Variants in MLXIP observed in about 807,000 individuals in gnomAD.
MLXIP encodes MLX interacting protein.
A neutral mutation model predicts 87.2 loss-of-function variants in MLXIP; 30 were observed. That is an observed-to-expected ratio of 0.34 (90% confidence interval 0.26 to 0.47). The LOEUF (loss-of-function observed/expected upper bound fraction) is 0.47. Among genes scored for constraint, MLXIP ranks in the 20% least tolerant of loss-of-function variants. The pLI is 1.00. For synonymous variants in MLXIP, 530 were observed against 514.0 expected, an observed-to-expected ratio of 1.03 and a Z score of -0.42; for missense variants, 1,002 against 1,240.1, an observed-to-expected ratio of 0.81 and a Z score of 2.88.
At chr12:122,093,095 TGTGGTGTGTGTG>T (rs1232065743) in intron 1 of MLXIP, among the ~76,000 whole-genome samples, 72,601 of 149,096 alleles carry the variant, frequency 0.49, 17,699 homozygotes, top group Admixed American at 0.56. Flanking sequence ...TGTGTTGGTG[TGTGGTGTGTGTG>T]TTGGTGTGTG....
intron 1 of MLXIP, among the ~76,000 whole-genome samples, chr12:122,092,978 G>GT (rs1446888106): frequency 6.7e-6 from 1 of 149,136 alleles, no homozygotes; most frequent in Non-Finnish European, 1.5e-5. Flanking sequence ...GTGTGGGTAT[G>GT]TATGTGTTGT....
chr12:122,103,964 C>T (rs941779565), intron 1 of MLXIP, among the ~76,000 whole-genome samples: 18 of 151,912 alleles, frequency 1.2e-4, no homozygotes, highest in African/African-American at 4.4e-4. Context: ...TGTAAGCTAC[C>T]GTGCCTGGCC....
chr12:122,141,704 G>T lies in MLXIP; in HGVS notation c.2652G>T (p.Thr884=). 1 of 1,613,816 alleles carries T rather than the reference G, an allele frequency of 6.2e-7. No homozygotes were observed. Residue 884 remains threonine (T), a synonymous_variant, in exon 17 of 17, where the codon ACG becomes ACT. Coordinates refer to ENST00000319080, the MANE Select transcript of MLXIP (RefSeq NM_014938.6). ...LPILRPMVLS[T]LRQLSTSTSI... ...TCTGTCTTGCAGTGGTATTGAGCACGCTGCGGCAGCTGAGCACCTCCACCT... is the reference window on the plus strand; with the variant it reads ...TCTGTCTTGCAGTGGTATTGAGCACTCTGCGGCAGCTGAGCACCTCCACCT...
intron 1 of MLXIP, among the ~76,000 whole-genome samples, chr12:122,098,512 G>A (rs1188381773): frequency 1.3e-5 from 2 of 152,188 alleles, no homozygotes; most frequent in Non-Finnish European, 2.9e-5. Flanking sequence ...AGCTTGAGCT[G>A]CCCAGTAGGC....
intron 1 of MLXIP, among the ~76,000 whole-genome samples, chr12:122,108,354 C>T (rs754406695): frequency 2.4e-5 from 3 of 124,382 alleles, no homozygotes; most frequent in African/African-American, 9.6e-5. Context: ...GGCGACAGAG[C>T]GAGACTCCAT....
chr12:122,109,751 G>A (rs1385721483), intron 1 of MLXIP, among the ~76,000 whole-genome samples: 1 of 152,220 alleles, frequency 6.6e-6, no homozygotes, highest in African/African-American at 2.4e-5. Flanking sequence ...CATGGGAAGA[G>A]GATGCAAAGG....
At chr12:122,100,168 T>G (rs1370875019) in intron 1 of MLXIP, among the ~76,000 whole-genome samples, 1 of 152,154 alleles carries the variant, frequency 6.6e-6, no homozygotes, top group East Asian at 1.9e-4. Context: ...ACAGGGTTAG[T>G]TATTCAGACT....
chr12:122,097,411 A>G (rs1004973118), intron 1 of MLXIP, among the ~76,000 whole-genome samples: 15 of 152,214 alleles, frequency 9.9e-5, no homozygotes, highest in Admixed American at 3.9e-4. Flanking sequence ...ACTTGAACCC[A>G]GGAGTTCCAT....
rs1216641113 is a variant in MLXIP, at chr12:122,141,073, C to A, written c.2628C>A (p.Ile876=). 8.7e-6 allele frequency: 14 copies of A among 1,610,650 alleles called. No homozygotes were observed. The highest frequency in any genetic ancestry group is 1.1e-5 in the Non-Finnish European group (13 of 1,179,190). ...TGGACCAGCACTGCTCCCTGCCCATCCTCAGGCCGAGTGAGTGGGGCAGTG... is the reference window on the plus strand; with the variant it reads ...TGGACCAGCACTGCTCCCTGCCCATACTCAGGCCGAGTGAGTGGGGCAGTG... ...SWLDQHCSLP[I]LRPMVLSTLR... is the part of the protein sequence containing the mutation. The change falls in exon 16 of 17, where the codon ATC becomes ATA. Residue 876 remains isoleucine, a synonymous_variant. Transcript: ENST00000319080.
intron 5 of MLXIP, 140 bp downstream of exon 5, chr12:122,129,769 C>T: frequency 7.6e-7 from 1 of 1,321,958 alleles, no homozygotes; most frequent in Non-Finnish European, 1.1e-6. Flanking sequence ...AGAAGCAGTC[C>T]AGCTCTCTCT....
At chr12:122,122,504 C>T (rs1368879678) in intron 1 of MLXIP, among the ~76,000 whole-genome samples, 1 of 151,872 alleles carries the variant, frequency 6.6e-6, no homozygotes. Context: ...GCCAGGACCA[C>T]AGGCACAGGC....
At chr12:122,095,874 AT>A (rs1246054568) in intron 1 of MLXIP, among the ~76,000 whole-genome samples, 6 of 149,278 alleles carry the variant, frequency 4.0e-5, no homozygotes, top group South Asian at 4.2e-4. Flanking sequence ...TTTTATTATT[AT>A]TTTTTTTTGA....
intron 1 of MLXIP, among the ~76,000 whole-genome samples, chr12:122,080,923 A>G (rs1454529213): frequency 1.3e-4 from 20 of 152,124 alleles, no homozygotes; most frequent in Admixed American, 1.2e-3. Context: ...ATAAACTTCT[A>G]CATATACAGG....
intron 7 of MLXIP, among the ~76,000 whole-genome samples, chr12:122,131,394 C>T (rs114359351): frequency 0.011 from 1,738 of 151,566 alleles, 36 homozygotes; most frequent in African/African-American, 0.04. Flanking sequence ...ATGGCATCCC[C>T]CTGGGCCATG....
chr12:122,129,513 G>T (rs7487608), intron 4 of MLXIP, 75 bp from the exon 5 acceptor site: 690,578 of 1,548,030 alleles, frequency 0.45, 156,035 homozygotes, highest in Middle Eastern at 0.58. Context: ...CTCCCTGAGA[G>T]TTCTGTATAT....
At chr12:122,107,301 G>A (rs1378947662) in intron 1 of MLXIP, among the ~76,000 whole-genome samples, 1 of 152,028 alleles carries the variant, frequency 6.6e-6, no homozygotes, top group African/African-American at 2.4e-5. Flanking sequence ...CTGTGCTGTC[G>A]CTCTTGGTGG....
At chr12:122,080,405 CTTT>C (rs1952074234) in intron 1 of MLXIP, among the ~76,000 whole-genome samples, 1 of 152,138 alleles carries the variant, frequency 6.6e-6, no homozygotes, top group Admixed American at 6.6e-5. Flanking sequence ...CTCACCTCAC[CTTT>C]TTAAGAGAGC....
intron 1 of MLXIP, among the ~76,000 whole-genome samples, chr12:122,112,858 T>C (rs982708737): frequency 6.6e-6 from 1 of 152,158 alleles, no homozygotes; most frequent in African/African-American, 2.4e-5. Flanking sequence ...GTTGGCTTTA[T>C]TGAATTGAAT....
chr12:122,127,676 C>CCTCT (rs1157927738), intron 2 of MLXIP, among the ~76,000 whole-genome samples: 1 of 152,202 alleles, frequency 6.6e-6, no homozygotes, highest in Non-Finnish European at 1.5e-5. Context: ...AGCCACACTG[C>CCTCT]CTCTCTGACT....
Sources: gnomAD v4.1 joint callset for allele counts (sites outside exome capture counted in the v4.1 genomes callset) on GRCh38, gnomAD v4.1.1 for gene constraint, MANE v1.5 for transcripts, NCBI Gene and HGNC (gene_info 2026-07-23, HGNC 2026-07-21) for gene names.